Variants in AUTS2 observed in about 807,000 individuals in gnomAD.
AUTS2 encodes the protein autism susceptibility gene 2 protein.
A neutral mutation model predicts 112.4 loss-of-function variants in AUTS2; 17 were observed. That is an observed-to-expected ratio of 0.15 (90% CI 0.10 to 0.23). The LOEUF (loss-of-function observed/expected upper bound fraction) is 0.23, where lower values mean the gene tolerates loss of function less well. Among genes scored for constraint, AUTS2 ranks in the 10% least tolerant of loss-of-function variants. AUTS2 has a pLI of 1.00. For synonymous variants in AUTS2, 751 were observed against 702.7 expected, an observed-to-expected ratio of 1.07 and a Z score of -1.09; for missense variants, 1,510 against 1,701.6, an observed-to-expected ratio of 0.89 and a Z score of 1.98.
intron 1 of AUTS2, among the ~76,000 whole-genome samples, chr7:69,751,795 C>G (rs1787749407): frequency 6.6e-6 from 1 of 152,194 alleles, no homozygotes; most frequent in Non-Finnish European, 1.5e-5. Context: ...GTAATCCTTT[C>G]TCTACCACTT....
At chr7:70,181,923 G>A (rs553134806) in intron 4 of AUTS2, among the ~76,000 whole-genome samples, 3 of 150,394 alleles carry the variant, frequency 2.0e-5, no homozygotes, top group South Asian at 4.2e-4. Context: ...TCAGCCTCCC[G>A]AGTAGCTGGG....
chr7:70,443,119 A>C (rs1796185945), intron 5 of AUTS2, among the ~76,000 whole-genome samples: 1 of 152,218 alleles, frequency 6.6e-6, no homozygotes, highest in Non-Finnish European at 1.5e-5. Flanking sequence ...GCACCTGAAA[A>C]AGAAGTTATA....
rs533192680 is a variant in AUTS2 at position 70,658,789 on chromosome 7, G to A, written c.691-39780G>A. ...CTGCGTATTTTCTTATTTCGGGTGCGAGGGGAGTGGAGAAATCCGTCATGG... is the reference window on the plus strand; with the variant it reads ...CTGCGTATTTTCTTATTTCGGGTGCAAGGGGAGTGGAGAAATCCGTCATGG... On this transcript the variant is annotated intron_variant, in intron 5 of 18. Transcript: ENST00000342771. 4.6e-5 allele frequency among the ~76,000 whole-genome samples: 7 copies of A among 152,344 alleles called. No homozygotes were observed. The East Asian group carries it at 1.2e-3, about 25-fold the overall frequency.
At chr7:70,358,792 G>C (rs1230094829) in intron 4 of AUTS2, among the ~76,000 whole-genome samples, 1 of 152,220 alleles carries the variant, frequency 6.6e-6, no homozygotes, top group Non-Finnish European at 1.5e-5. Flanking sequence ...GATCTAACCT[G>C]TATTGCCTCT....
intron 4 of AUTS2, among the ~76,000 whole-genome samples, chr7:70,369,126 A>G (rs1210277090): frequency 6.6e-6 from 1 of 152,212 alleles, no homozygotes; most frequent in Admixed American, 6.5e-5. Context: ...AAGGAAACGC[A>G]CAAAGAACAG....
intron 5 of AUTS2, among the ~76,000 whole-genome samples, chr7:70,476,753 T>A (rs936062200): frequency 6.6e-6 from 1 of 152,182 alleles, no homozygotes; most frequent in African/African-American, 2.4e-5. Context: ...GTTTTTTCAT[T>A]GATAAAATGA....
Position 69,604,078 on chromosome 7 carries a change from G to T in AUTS2, c.309+4116G>T, listed in dbSNP as rs1031675610. ...AATTTGTGGAATTAGCAGAAAAGAG[G>T]CCAATTGGAGCTTTATAGGCTTATG... On this transcript the variant is annotated intron_variant, in intron 1 of 18. Coordinates refer to ENST00000342771, the MANE Select transcript of AUTS2 (RefSeq NM_015570.4). 2.0e-5 allele frequency among the ~76,000 whole-genome samples: 3 copies of T among 152,146 alleles called. No homozygotes were observed. The South Asian group carries it at 6.2e-4, about 32-fold the overall frequency.
chr7:70,768,610 A>C (rs1790090736), intron 10 of AUTS2, among the ~76,000 whole-genome samples: 1 of 152,166 alleles, frequency 6.6e-6, no homozygotes, highest in Non-Finnish European at 1.5e-5. Context: ...AATTAAAAGA[A>C]ACTCCCAAAA....
At chr7:70,340,192 A>C (rs984076623) in intron 4 of AUTS2, among the ~76,000 whole-genome samples, 1 of 151,648 alleles carries the variant, frequency 6.6e-6, no homozygotes, top group African/African-American at 2.4e-5. Flanking sequence ...ACACACACAC[A>C]CACCCCGTAA....
chr7:69,830,884 A>C (rs1464090614), intron 1 of AUTS2, among the ~76,000 whole-genome samples: 1 of 152,190 alleles, frequency 6.6e-6, no homozygotes, highest in African/African-American at 2.4e-5. Context: ...GAGAGTTTCG[A>C]AGGTGACTTG....
intron 1 of AUTS2, among the ~76,000 whole-genome samples, chr7:69,780,688 G>T (rs1408154965): frequency 6.6e-6 from 1 of 152,220 alleles, no homozygotes; most frequent in Non-Finnish European, 1.5e-5. Context: ...ATTAGAGTGT[G>T]GTGGTAGATA....
At chr7:70,129,856 C>T (rs1806177192) in intron 3 of AUTS2, among the ~76,000 whole-genome samples, 1 of 151,490 alleles carries the variant, frequency 6.6e-6, no homozygotes, top group Non-Finnish European at 1.5e-5. Flanking sequence ...TTGATTTCTT[C>T]CAACAACTAT....
chr7:70,172,993 G>C (rs940451363), intron 4 of AUTS2, among the ~76,000 whole-genome samples: 1 of 152,144 alleles, frequency 6.6e-6, no homozygotes, highest in Admixed American at 6.5e-5. Context: ...AGGATTCACT[G>C]GCCTGGCCAG....
intron 18 of AUTS2, 110 bp from the exon 19 acceptor site, chr7:70,789,638 G>A (rs1218469841): frequency 2.3e-6 from 3 of 1,317,570 alleles, no homozygotes; most frequent in Non-Finnish European, 3.1e-6. Flanking sequence ...ACCATGGGAA[G>A]CAGCCCCCAG....
chr7:70,541,511 G>A (rs1451899613), intron 5 of AUTS2, among the ~76,000 whole-genome samples: 1 of 152,168 alleles, frequency 6.6e-6, no homozygotes, highest in African/African-American at 2.4e-5. Context: ...GGATAAGAAG[G>A]AACATATTCA....
Position 70,100,129 on chromosome 7 carries a change from A to G in AUTS2, c.523-18003A>G, listed in dbSNP as rs369923708. ...TCTTGTTGTGGTCGCTGTCTTCAGT[A>G]TTCCAGAAATAATGCTGTATCTCTT... On this transcript the variant is annotated intron_variant, in intron 2 of 18. Transcript: ENST00000342771. Among the ~76,000 whole-genome samples the G allele has an allele frequency of 1.1e-3, 161 of 152,326 alleles. 3 individuals carry two copies. The South Asian group carries it at 0.033, about 31-fold the overall frequency.
At chr7:69,979,590 G>A (rs1044552759) in intron 2 of AUTS2, among the ~76,000 whole-genome samples, 3 of 152,176 alleles carry the variant, frequency 2.0e-5, no homozygotes, top group African/African-American at 7.2e-5. Flanking sequence ...AAAAGATGCA[G>A]CCAATCTAAA....
At chr7:70,770,785 T>C (rs1790287701) in intron 10 of AUTS2, among the ~76,000 whole-genome samples, 1 of 152,218 alleles carries the variant, frequency 6.6e-6, no homozygotes, top group Admixed American at 6.5e-5. Flanking sequence ...AGACTTCATA[T>C]GTTAATACGG....
At chr7:69,627,350 G>T (rs1794001076) in intron 1 of AUTS2, among the ~76,000 whole-genome samples, 1 of 152,084 alleles carries the variant, frequency 6.6e-6, no homozygotes, top group African/African-American at 2.4e-5. Context: ...AATTAGCCAG[G>T]CGTGGTGGCA....
Sources: gnomAD v4.1 joint callset for allele counts (sites outside exome capture counted in the v4.1 genomes callset) on GRCh38, gnomAD v4.1.1 for gene constraint, MANE v1.5 for transcripts, NCBI Gene and HGNC (gene_info 2026-07-23, HGNC 2026-07-21) for gene names.